The following RBM26 variants were observed in gnomAD, a reference collection of about 807,000 sequenced individuals.
RBM26 encodes RNA binding motif protein 26.
RBM26 carries 30 observed loss-of-function variants against 123.6 expected under a neutral mutation model. The ratio of observed to expected loss-of-function variants is 0.24; its 90% CI spans 0.18 to 0.33. The LOEUF is 0.33. Among genes scored for constraint, RBM26 ranks in the 10% least tolerant of loss-of-function variants. The pLI, the probability that RBM26 is intolerant of heterozygous loss-of-function variation, is 1.00. For missense variants in RBM26, 947 were observed against 1,203.6 expected, an observed-to-expected ratio of 0.79 and a Z score of 3.15; for synonymous variants, 400 against 404.4, an observed-to-expected ratio of 0.99 and a Z score of 0.13.
intron 11 of RBM26, among the ~76,000 whole-genome samples, chr13:79,357,341 TA>T (rs1476753809): frequency 6.6e-6 from 1 of 152,050 alleles, no homozygotes; most frequent in Non-Finnish European, 1.5e-5. Flanking sequence ...TTGTTTTTAT[TA>T]AATTATAAAA....
intron 16 of RBM26, 147 bp downstream of exon 16, chr13:79,344,101 C>A: frequency 1.3e-5 from 9 of 668,024 alleles, no homozygotes; most frequent in South Asian, 3.3e-5. Context: ...CTGATGTATG[C>A]TCTTCATCTC....
rs563202396 is a variant in RBM26, at chr13:79,397,286, T to G, written c.71+8418A>C. Among the ~76,000 whole-genome samples the G allele has an allele frequency of 2.6e-3, 392 of 152,252 alleles. 2 individuals carry two copies. Among genetic ancestry groups the G allele is most frequent in the African/African-American group, 8.5e-3 (353 of 41,560 alleles). On this transcript the variant is annotated intron_variant, in intron 1 of 21. Transcript: ENST00000438737. ...AAATTCTCAATCTGGTAAAAGGCAGTTACTAAAAACCTAGAGCCAATATCA... is the reference window on the plus strand; with the variant it reads ...AAATTCTCAATCTGGTAAAAGGCAGGTACTAAAAACCTAGAGCCAATATCA...
chr13:79,393,697 T>TC (rs527421998), intron 1 of RBM26, among the ~76,000 whole-genome samples: 190 of 151,906 alleles, frequency 1.3e-3, no homozygotes, highest in African/African-American at 4.3e-3. Context: ...GTGGCTCTCC[T>TC]CCCCCCGTAT....
intron 6 of RBM26, among the ~76,000 whole-genome samples, chr13:79,367,361 T>C (rs970100111): frequency 4.4e-5 from 6 of 135,818 alleles, no homozygotes; most frequent in Non-Finnish European, 9.2e-5. Flanking sequence ...GAGCAGAGAC[T>C]GTGTCATTGC....
intron 19 of RBM26, among the ~76,000 whole-genome samples, chr13:79,334,737 CCT>C (rs1315711644): frequency 6.6e-6 from 1 of 152,038 alleles, no homozygotes; most frequent in Non-Finnish European, 1.5e-5. Context: ...AACTAACTTT[CCT>C]CTTATACTCA....
chr13:79,348,504 T>C (rs571552181), intron 14 of RBM26, among the ~76,000 whole-genome samples: 50 of 152,242 alleles, frequency 3.3e-4, no homozygotes, highest in Non-Finnish European at 6.5e-4. Context: ...GAGTATGATT[T>C]TTCAATAACC....
chr13:79,330,361 CAATT>C (rs1345077876), intron 20 of RBM26, among the ~76,000 whole-genome samples: 1 of 152,070 alleles, frequency 6.6e-6, no homozygotes, highest in Non-Finnish European at 1.5e-5. Context: ...GTTCTGGAAA[CAATT>C]AAGTTTGGAA....
chr13:79,375,706 T>C (rs1447393034), intron 3 of RBM26, among the ~76,000 whole-genome samples: 4 of 152,146 alleles, frequency 2.6e-5, no homozygotes, highest in Admixed American at 2.0e-4. Context: ...TACATGTGGG[T>C]ATGTGTATAT....
At chr13:79,365,515 TATAA>T in intron 9 of RBM26, 59 bp downstream of exon 9, 2 of 1,337,686 alleles carry the variant, frequency 1.5e-6, no homozygotes, top group Non-Finnish European at 1.1e-6. Flanking sequence ...AACTGTTCTT[TATAA>T]ATGTTTTCCC....
downstream of RBM26, among the ~76,000 whole-genome samples, chr13:79,316,659 T>A (rs1332376374): frequency 6.6e-6 from 1 of 151,854 alleles, no homozygotes; most frequent in Non-Finnish European, 1.5e-5. Flanking sequence ...CAGTTAAATA[T>A]AAAATTTAAT....
Position 79,319,694 on chromosome 13 carries a change from G to A in RBM26, c.*927C>T. 2.0e-6 allele frequency: 2 copies of A among 983,524 alleles called. No homozygotes were observed. Among genetic ancestry groups the A allele is most frequent in the Non-Finnish European group, 2.4e-6 (2 of 828,516 alleles). 60.9% of individuals were successfully genotyped at this position (983,524 alleles called of 1,614,324 possible). ...AGTCTGGTTCCAAACTAATCAGCCT[G>A]CTTTTAAATTTTAAGACATTTGTTG... On this transcript the variant is annotated 3_prime_UTR_variant, in exon 22 of 22. Coordinates refer to ENST00000438737, the MANE Select transcript of RBM26 (RefSeq NM_001366735.2).
At chr13:79,398,221 T>C (rs1476309840) in intron 1 of RBM26, among the ~76,000 whole-genome samples, 1 of 152,202 alleles carries the variant, frequency 6.6e-6, no homozygotes, top group African/African-American at 2.4e-5. Context: ...AAAAAAATCT[T>C]ACAAGCTATT....
intron 20 of RBM26, among the ~76,000 whole-genome samples, chr13:79,323,734 A>G (rs1000141816): frequency 6.6e-6 from 1 of 151,744 alleles, no homozygotes; most frequent in Admixed American, 6.6e-5. Context: ...TTCAGCACAC[A>G]GCTCCTCAAA....
chr13:79,324,353 T>C (rs1314637195), intron 20 of RBM26, among the ~76,000 whole-genome samples: 2 of 151,904 alleles, frequency 1.3e-5, no homozygotes, highest in Admixed American at 1.3e-4. Flanking sequence ...TGAATGGCCA[T>C]ATATATTATA....
At chr13:79,392,973 T>C (rs922316231) in intron 1 of RBM26, among the ~76,000 whole-genome samples, 2 of 152,142 alleles carry the variant, frequency 1.3e-5, no homozygotes, top group African/African-American at 2.4e-5. Context: ...TTAGCAGTCA[T>C]ATACACATGC....
intron 3 of RBM26, among the ~76,000 whole-genome samples, chr13:79,375,655 C>T (rs73564681): frequency 0.086 from 13,103 of 152,026 alleles, 1,302 homozygotes; most frequent in African/African-American, 0.24. Flanking sequence ...TTATAAATTA[C>T]ATTTCTGGTC....
chr13:79,354,572 T>C lies in RBM26; in HGVS notation c.1855-2A>G, dbSNP rs1330695185. On this transcript the variant is annotated splice_acceptor_variant, in intron 12 of 21. Transcript: ENST00000438737. LOFTEE classifies it high-confidence loss of function. ...CTGCTGGACTAAAGGCTGCATTACC[T>C]CAGAACAAGGAAAAAATGTTAAACA... The C allele has an allele frequency of 6.3e-7, 1 of 1,577,408 alleles. No individual in the cohort carries two copies. The highest frequency in any genetic ancestry group is 1.2e-5 in the South Asian group (1 of 85,444).
At chr13:79,344,864 C>T in intron 14 of RBM26, 70 bp from the exon 15 acceptor site, 1 of 1,486,302 alleles carries the variant, frequency 6.7e-7, no homozygotes, top group Admixed American at 1.9e-5. Context: ...CTATAAGACT[C>T]AACTTTAAAG....
chr13:79,320,744 A>AG (rs1566277922), intron 21 of RBM26, 34 bp from the exon 22 acceptor site: 1 of 680,622 alleles, frequency 1.5e-6, no homozygotes, highest in Non-Finnish European at 1.9e-6. Context: ...AATTTACCCA[A>AG]AAAAAAAAAA....
Sources: allele counts gnomAD v4.1 joint callset (sites outside exome capture counted in the v4.1 genomes callset), GRCh38; gene constraint gnomAD v4.1.1; transcripts MANE v1.5; gene names NCBI Gene and HGNC (gene_info 2026-07-23, HGNC 2026-07-21).